Variants in ATP13A5 observed in about 807,000 individuals in gnomAD.
ATP13A5 encodes the protein probable cation-transporting ATPase 13A5.
ATP13A5 carries 149 observed loss-of-function variants against 150.2 expected under a neutral mutation model. The observed-to-expected ratio is 0.99, with a 90% CI of 0.87 to 1.14. The LOEUF is 1.14. Among genes scored for constraint, ATP13A5 ranks in the 50% most tolerant of loss-of-function variants. The pLI is 0.00. For missense variants in ATP13A5, 1,383 were observed against 1,449.3 expected, an observed-to-expected ratio of 0.95 and a Z score of 0.74; for synonymous variants, 497 against 522.2, an observed-to-expected ratio of 0.95 and a Z score of 0.66.
intron 21 of ATP13A5, among the ~76,000 whole-genome samples, chr3:193,307,571 A>G (rs1422875743): frequency 6.6e-6 from 1 of 152,228 alleles, no homozygotes; most frequent in Non-Finnish European, 1.5e-5. Context: ...AGTTGTTTCA[A>G]TCAATCACAT....
chr3:193,276,451 C>T (rs1022864337), intron 29 of ATP13A5, among the ~76,000 whole-genome samples: 5 of 152,178 alleles, frequency 3.3e-5, no homozygotes, highest in African/African-American at 1.2e-4. Flanking sequence ...CTAGTCTTTA[C>T]TAGATTGTTG....
chr3:193,318,153 G>A (rs766531176), intron 17 of ATP13A5, among the ~76,000 whole-genome samples: 1 of 152,232 alleles, frequency 6.6e-6, no homozygotes, highest in Non-Finnish European at 1.5e-5. Context: ...CAAGCACAGA[G>A]TAAGGAAGGG....
chr3:193,290,504 A>C (rs1044115244), intron 25 of ATP13A5, among the ~76,000 whole-genome samples: 5 of 151,842 alleles, frequency 3.3e-5, no homozygotes, highest in African/African-American at 1.2e-4. Context: ...TGGATAATTT[A>C]AAAAAAACAC....
At chr3:193,350,854 T>C (rs1712537004) in intron 7 of ATP13A5, among the ~76,000 whole-genome samples, 1 of 152,214 alleles carries the variant, frequency 6.6e-6, no homozygotes, top group Non-Finnish European at 1.5e-5. Flanking sequence ...AAGCATTCGA[T>C]GAAGGCTTCA....
intron 1 of ATP13A5, among the ~76,000 whole-genome samples, chr3:193,372,875 A>G (rs1387401737): frequency 2.6e-5 from 4 of 152,184 alleles, no homozygotes; most frequent in Non-Finnish European, 5.9e-5. Flanking sequence ...TGTCACCTAT[A>G]TTGTTGTTCT....
At chr3:193,276,860 T>A (rs1717237857) in intron 28 of ATP13A5, 30 bp from the exon 29 acceptor site, 1 of 1,486,730 alleles carries the variant, frequency 6.7e-7, no homozygotes, top group Non-Finnish European at 9.3e-7. Context: ...ATTATTATAT[T>A]TTGCACACTT....
chr3:193,275,437 T>G, intron 29 of ATP13A5, 135 bp from the exon 30 acceptor site: 1 of 1,010,406 alleles, frequency 9.9e-7, no homozygotes, highest in Non-Finnish European at 1.4e-6. Flanking sequence ...CTACCTCTCC[T>G]TTCCCAAGTT....
At chr3:193,281,145 G>A in intron 27 of ATP13A5, 3 of 982,062 alleles carry the variant, frequency 3.1e-6, no homozygotes, top group South Asian at 9.4e-5. Flanking sequence ...ATGGCTTGGT[G>A]ATACGATTTC....
intron 16 of ATP13A5, among the ~76,000 whole-genome samples, chr3:193,319,586 C>T (rs1719184238): frequency 6.6e-6 from 1 of 152,186 alleles, no homozygotes; most frequent in Non-Finnish European, 1.5e-5. Flanking sequence ...TTTCCAGCCC[C>T]CAGAACTGTG....
rs2108884861 is a variant in ATP13A5 at position 193,343,936 on chromosome 3, T to C, written c.934A>G (p.Met312Val). Reference protein sequence around the residue: ...IDGSCVVNEGMLTGESIPVTK... With the variant: ...IDGSCVVNEGVLTGESIPVTK... ...CATGACAACTGCCTACCTGTAAGCATGCCTTCATTCACCACGCAGCTTCCA... is the reference window on the plus strand; with the variant it reads ...CATGACAACTGCCTACCTGTAAGCACGCCTTCATTCACCACGCAGCTTCCA... Residue 312 changes from methionine (M) to valine (V), a missense_variant, in exon 9 of 30, where the codon ATG becomes GTG. By Grantham distance (21) the Met-to-Val change is conservative (BLOSUM62 1). Coordinates refer to ENST00000342358, the MANE Select transcript of ATP13A5 (RefSeq NM_198505.4). The C allele has an allele frequency of 6.2e-7, 1 of 1,612,852 alleles. No homozygotes were observed.
At chr3:193,342,976 A>C (rs1375015506) in intron 9 of ATP13A5, among the ~76,000 whole-genome samples, 1 of 152,202 alleles carries the variant, frequency 6.6e-6, no homozygotes, top group Admixed American at 6.5e-5. Flanking sequence ...AACACATTAA[A>C]GGAGTATTTT....
intron 1 of ATP13A5, among the ~76,000 whole-genome samples, chr3:193,374,335 T>C (rs1191208649): frequency 3.4e-5 from 5 of 146,284 alleles, no homozygotes; most frequent in Non-Finnish European, 7.5e-5. Flanking sequence ...CATGGGTGCA[T>C]AAGTGTGGGA....
intron 23 of ATP13A5, 82 bp downstream of exon 23, chr3:193,305,477 T>C: frequency 1.8e-6 from 2 of 1,100,812 alleles, no homozygotes; most frequent in Non-Finnish European, 2.8e-6. Flanking sequence ...ATTTATCACT[T>C]TAGCTTGTAG....
intron 26 of ATP13A5, among the ~76,000 whole-genome samples, chr3:193,285,901 T>G (rs777384516): frequency 6.6e-6 from 1 of 152,220 alleles, no homozygotes; most frequent in African/African-American, 2.4e-5. Flanking sequence ...CAATAACACA[T>G]AGCAAGCTCA....
At chr3:193,355,488 A>C (rs779276365) in intron 5 of ATP13A5, among the ~76,000 whole-genome samples, 1 of 152,192 alleles carries the variant, frequency 6.6e-6, no homozygotes, top group African/African-American at 2.4e-5. Flanking sequence ...GAGAATCTGC[A>C]TGAGAGATCT....
chr3:193,321,632 A>G, intron 16 of ATP13A5, 49 bp downstream of exon 16: 2 of 1,596,838 alleles, frequency 1.3e-6, no homozygotes, highest in Non-Finnish European at 1.7e-6. Flanking sequence ...TTCTGTCTCA[A>G]AGAAAAAACA....
intron 7 of ATP13A5, among the ~76,000 whole-genome samples, chr3:193,346,395 G>T (rs2108886933): frequency 6.6e-6 from 1 of 152,266 alleles, no homozygotes; most frequent in Non-Finnish European, 1.5e-5. Context: ...GCAGAGGTGA[G>T]AGATGATTTC....
chr3:193,349,715 G>A (rs1018576897), intron 7 of ATP13A5, among the ~76,000 whole-genome samples: 4 of 151,948 alleles, frequency 2.6e-5, no homozygotes, highest in African/African-American at 7.2e-5. Context: ...TTTTAAAGAT[G>A]TTAGATTTTA....
chr3:193,338,988 T>C (rs1220164508), intron 9 of ATP13A5, among the ~76,000 whole-genome samples: 1 of 152,244 alleles, frequency 6.6e-6, no homozygotes, highest in Non-Finnish European at 1.5e-5. Flanking sequence ...GAGGAATTTA[T>C]CAATTTCTTC....
Sources: allele counts gnomAD v4.1 joint callset (sites outside exome capture counted in the v4.1 genomes callset), GRCh38; gene constraint gnomAD v4.1.1; transcripts MANE v1.5; gene names NCBI Gene and HGNC (gene_info 2026-07-23, HGNC 2026-07-21).